GABBR2: variants seen among roughly 807,000 people sequenced by gnomAD.
GABBR2 encodes the protein gamma-aminobutyric acid type B receptor subunit 2.
In GABBR2, 23 loss-of-function variants were observed where a neutral mutation model predicts 105.6. The observed-to-expected ratio is 0.22, with a 90% CI of 0.16 to 0.31. The LOEUF (loss-of-function observed/expected upper bound fraction) is 0.31. Ranked by LOEUF, GABBR2 falls within the 10% of genes least tolerant of loss-of-function variation. GABBR2 has a pLI of 1.00. For synonymous variants in GABBR2, 478 were observed against 499.7 expected (o/e 0.96, Z 0.58); for missense variants, 734 against 1,245.5 (o/e 0.59, Z 6.18).
chr9:98,553,181 GCATA>G (rs1828522494), intron 2 of GABBR2, among the ~76,000 whole-genome samples: 2 of 151,660 alleles, frequency 1.3e-5, no homozygotes, highest in African/African-American at 4.8e-5. Context: ...ACTGCACTCA[GCATA>G]TTCTTATTGG....
chr9:98,357,542 G>A (rs1049169325), intron 13 of GABBR2, among the ~76,000 whole-genome samples: 1 of 152,062 alleles, frequency 6.6e-6, no homozygotes, highest in African/African-American at 2.4e-5. Flanking sequence ...CAGCTACTTG[G>A]GGGGCTGAGG....
intron 1 of GABBR2, among the ~76,000 whole-genome samples, chr9:98,588,107 T>A (rs1200149985): frequency 2.0e-5 from 3 of 152,224 alleles, no homozygotes; most frequent in Non-Finnish European, 4.4e-5. Context: ...ACTGGTAAGC[T>A]TTCCACACCC....
In GABBR2 at chr9:98,380,360, C is replaced by T. The variant is rs139355923; in HGVS notation, c.1662+5280G>A. ...GCCTCCTCATCCTGTCTGCAAAGCCCCTTCTTACTCCTCCCCCGCTCGAGC... is the reference window on the plus strand; with the variant it reads ...GCCTCCTCATCCTGTCTGCAAAGCCTCTTCTTACTCCTCCCCCGCTCGAGC... On this transcript the variant is annotated intron_variant, in intron 11 of 18. Transcript: ENST00000259455. Among the ~76,000 whole-genome samples the T allele has an allele frequency of 8.2e-4, 125 of 152,360 alleles. 1 individual carries two copies. Among genetic ancestry groups the T allele is most frequent in the African/African-American group, 2.8e-3 (116 of 41,576 alleles).
intron 1 of GABBR2, among the ~76,000 whole-genome samples, chr9:98,694,817 G>A (rs1830728206): frequency 6.6e-6 from 1 of 152,122 alleles, no homozygotes; most frequent in Admixed American, 6.6e-5. Flanking sequence ...TCATTTTATA[G>A]GTGATAAAAC....
chr9:98,610,069 GC>G (rs1232417010), intron 1 of GABBR2, among the ~76,000 whole-genome samples: 2 of 152,160 alleles, frequency 1.3e-5, no homozygotes, highest in Non-Finnish European at 2.9e-5. Context: ...TCCTCCCTGC[GC>G]CCCTCTCCCA....
chr9:98,633,686 A>C (rs1376442237), intron 1 of GABBR2, among the ~76,000 whole-genome samples: 1 of 151,988 alleles, frequency 6.6e-6, no homozygotes, highest in East Asian at 1.9e-4. Context: ...ATATCACCAG[A>C]AGACAGAGCA....
chr9:98,315,978 T>G (rs1830709732), intron 13 of GABBR2, among the ~76,000 whole-genome samples: 1 of 152,198 alleles, frequency 6.6e-6, no homozygotes, highest in Non-Finnish European at 1.5e-5. Flanking sequence ...CTGTTCCCAG[T>G]GTGGACTGTC....
intron 7 of GABBR2, among the ~76,000 whole-genome samples, chr9:98,433,636 T>C (rs920729015): frequency 6.6e-6 from 1 of 152,194 alleles, no homozygotes; most frequent in African/African-American, 2.4e-5. Context: ...CCCAGAAAAC[T>C]GAGGTCCATG....
At chr9:98,583,154 G>A (rs1387113422) in intron 1 of GABBR2, among the ~76,000 whole-genome samples, 2 of 152,170 alleles carry the variant, frequency 1.3e-5, no homozygotes, top group Non-Finnish European at 2.9e-5. Flanking sequence ...TGCTTCCCTG[G>A]CTCCCCTAAA....
At chr9:98,661,897 G>A (rs1830269910) in intron 1 of GABBR2, among the ~76,000 whole-genome samples, 1 of 152,164 alleles carries the variant, frequency 6.6e-6, no homozygotes, top group Admixed American at 6.5e-5. Context: ...GAATACAAAA[G>A]CCTGATCCCT....
intron 11 of GABBR2, among the ~76,000 whole-genome samples, chr9:98,384,664 C>G (rs1321054664): frequency 1.3e-5 from 2 of 152,132 alleles, no homozygotes; most frequent in African/African-American, 4.8e-5. Context: ...TGTTAATTAA[C>G]TTTAAAAATA....
chr9:98,376,952 C>A (rs1037431600), intron 11 of GABBR2, among the ~76,000 whole-genome samples: 1 of 152,186 alleles, frequency 6.6e-6, no homozygotes, highest in African/African-American at 2.4e-5. Context: ...CTGAAGGACT[C>A]CACTCCTCAA....
Position 98,399,182 on chromosome 9 carries a change from C to T in GABBR2, c.1298-4927G>A, listed in dbSNP as rs140740353. 1.7e-3 allele frequency among the ~76,000 whole-genome samples: 263 copies of T among 152,012 alleles called. 7 individuals carry two copies. The East Asian group carries it at 0.036, about 21-fold the overall frequency. ...CAGCCTGGCCAACATGGTGAAACCC[C>T]GTCTCTACTAAAAATACTAAAATTA... On this transcript the variant is annotated intron_variant, in intron 8 of 18. Coordinates refer to ENST00000259455, the MANE Select transcript of GABBR2 (RefSeq NM_005458.8).
intron 17 of GABBR2, among the ~76,000 whole-genome samples, chr9:98,295,939 TA>T (rs1391206333): frequency 2.6e-5 from 4 of 152,182 alleles, no homozygotes; most frequent in Non-Finnish European, 5.9e-5. Flanking sequence ...ACTAATCCTG[TA>T]TAGGAGCAAT....
At chr9:98,312,792 C>G (rs1830656032) in intron 13 of GABBR2, among the ~76,000 whole-genome samples, 1 of 152,152 alleles carries the variant, frequency 6.6e-6, no homozygotes, top group East Asian at 1.9e-4. Flanking sequence ...CTCTGTCACC[C>G]AGGCTGGAGT....
intron 1 of GABBR2, among the ~76,000 whole-genome samples, chr9:98,692,571 G>A (rs1394040429): frequency 6.6e-6 from 1 of 152,170 alleles, no homozygotes; most frequent in Non-Finnish European, 1.5e-5. Flanking sequence ...GCTGGATCCT[G>A]GGACCCCAAA....
At chr9:98,583,712 C>A (rs932449381) in intron 1 of GABBR2, among the ~76,000 whole-genome samples, 1 of 152,218 alleles carries the variant, frequency 6.6e-6, no homozygotes, top group Non-Finnish European at 1.5e-5. Context: ...CACTGGGGAA[C>A]TTCTCTAGGT....
intron 4 of GABBR2, among the ~76,000 whole-genome samples, chr9:98,490,423 C>A (rs1054253660): frequency 1.7e-4 from 26 of 152,152 alleles, no homozygotes; most frequent in African/African-American, 5.1e-4. Context: ...TGATAAAGTT[C>A]TCTGACCTGT....
chr9:98,642,103 G>A (rs1408434642), intron 1 of GABBR2, among the ~76,000 whole-genome samples: 1 of 152,158 alleles, frequency 6.6e-6, no homozygotes. Flanking sequence ...CACTCAACAA[G>A]TCCTTTATGA....
Sources: allele counts gnomAD v4.1 joint callset (sites outside exome capture counted in the v4.1 genomes callset), GRCh38; gene constraint gnomAD v4.1.1; transcripts MANE v1.5; gene names NCBI Gene and HGNC (gene_info 2026-07-23, HGNC 2026-07-21).